Variants in ZIC5 observed in about 807,000 individuals in gnomAD.
ZIC5 encodes Zic family zinc finger 5.
ZIC5 carries 20 observed loss-of-function variants against 28.5 expected under a neutral mutation model. The ratio of observed to expected loss-of-function variants is 0.70; its 90% confidence interval spans 0.49 to 1.02. The LOEUF is 1.02. ZIC5 is among the 50% of genes least tolerant of loss of function. The pLI, the probability that ZIC5 is intolerant of heterozygous loss-of-function variation, is 0.00. For missense variants in ZIC5, 951 were observed against 899.7 expected (o/e 1.06, Z -0.73); for synonymous variants, 488 against 410.4 (o/e 1.19, Z -2.29).
At chr13:99,971,899 G>T, upstream of ZIC5, 1 of 590,010 alleles carries the variant, frequency 1.7e-6, no homozygotes, top group Non-Finnish European at 2.9e-6. Context: ...GACCCAGCGG[G>T]GATTCGCCCC....
intron 1 of ZIC5, among the ~76,000 whole-genome samples, chr13:99,969,601 C>T (rs986517424): frequency 4.6e-5 from 7 of 152,256 alleles, no homozygotes; most frequent in Admixed American, 4.6e-4. Context: ...GAAGGCCTGC[C>T]TCGGGCGGCC....
rs772092300 is a variant in ZIC5 at position 99,971,446 on chromosome 13, A to G, written c.158T>C (p.Leu53Pro). Residue 53 changes from leucine to proline, a missense_variant, in exon 1 of 2, where the codon CTG (leucine) becomes CCG (proline). By Grantham distance (98) the Leu-to-Pro change is moderately conservative (BLOSUM62 -3). This residue lies in a region of ZIC5 where 784 missense variants were observed against 660.1 expected (regional missense o/e 1.19). Coordinates refer to ENST00000267294, the MANE Select transcript of ZIC5 (RefSeq NM_033132.5). ...QLRAAVAHLR[L>P]RDLGADPGVA... is the part of the protein sequence containing the mutation. ...GCCGGGGTCAGCGCCCAGGTCCCGC[A>G]GGCGGAGGTGCGCGACGGCGGCCCG... 37 of 1,531,878 alleles carry G rather than the reference A, an allele frequency of 2.4e-5. 1 individual carries two copies. The highest frequency in any genetic ancestry group is 1.1e-4 in the South Asian group (9 of 83,546). 94.9% of individuals were successfully genotyped at this position (1,531,878 alleles called of 1,614,324 possible).
At chr13:99,971,794 G>A (rs1401136721), upstream of ZIC5, 2 of 1,349,758 alleles carry the variant, frequency 1.5e-6, no homozygotes, top group Non-Finnish European at 2.0e-6. Flanking sequence ...CTGCACAGTG[G>A]GACCGAGATT....
chr13:99,969,047 T>C (rs1240827746), intron 1 of ZIC5, among the ~76,000 whole-genome samples: 1 of 152,224 alleles, frequency 6.6e-6, no homozygotes, highest in Non-Finnish European at 1.5e-5. Context: ...GGGGTAATCG[T>C]ATCTGTCCCT....
At position 99,971,423 on chromosome 13, in the gene ZIC5, C is replaced by A. The variant is rs944206004; in HGVS notation, c.181G>T (p.Gly61Cys). 1 of 1,504,184 alleles carries A rather than the reference C, an allele frequency of 6.6e-7. No individual in the cohort carries two copies. Among genetic ancestry groups the A allele is most frequent in the East Asian group, 2.6e-5 (1 of 38,406 alleles). The allele number at this position is 1,504,184 out of a possible 1,614,324, so 93.2% of individuals were successfully genotyped here. A position where few individuals can be genotyped will look rare whatever the true frequency, so the allele number is the denominator to read the frequency against. The change falls in exon 1 of 2, where the codon GGC becomes TGC. Residue 61 changes from glycine (G) to cysteine (C), a missense_variant. Physicochemically the swap from Gly to Cys is radical, Grantham distance 159. Coordinates refer to ENST00000267294, the MANE Select transcript of ZIC5 (RefSeq NM_033132.5). ...GGTCCGAGCGGAGTGGTGGCCACGC[C>A]GGGGTCAGCGCCCAGGTCCCGCAGG... The part of the protein sequence containing the change: ...LRLRDLGADP[G>C]VATTPLGPEH...
rs2053078835 is a variant in ZIC5 at position 99,964,167 on chromosome 13, T to C, written c.*1210A>G. On this transcript the variant is annotated 3_prime_UTR_variant, in exon 2 of 2. Transcript: ENST00000267294. ...ACTCCCTCCCCTCTTTTAATGTAAA[T>C]CATACACTTCACACACTGTCATTTT... The C allele has an allele frequency of 6.6e-6, 1 of 152,268 alleles. No individual in the cohort carries two copies. The highest frequency in any genetic ancestry group is 2.4e-5 in the African/African-American group (1 of 41,462). The allele number at this position is 152,268 out of a possible 1,614,324, so 9.4% of individuals were successfully genotyped here.
chr13:99,967,996 G>A (rs1445701842), intron 1 of ZIC5, among the ~76,000 whole-genome samples: 1 of 152,204 alleles, frequency 6.6e-6, no homozygotes, highest in African/African-American at 2.4e-5. Context: ...TGCGGACCCC[G>A]CCAGCTCCTA....
At position 99,971,420 on chromosome 13, in the gene ZIC5, C is replaced by T; in HGVS notation, c.184G>A (p.Val62Met). The change falls in exon 1 of 2, where the codon GTG becomes ATG. Residue 62 changes from valine to methionine, a missense_variant. Physicochemically the swap from Val to Met is conservative, Grantham distance 21 (BLOSUM62 1). Coordinates refer to ENST00000267294, the MANE Select transcript of ZIC5 (RefSeq NM_033132.5). ...RLRDLGADPG[V>M]ATTPLGPEHM... ...TCGGGTCCGAGCGGAGTGGTGGCCA[C>T]GCCGGGGTCAGCGCCCAGGTCCCGC... 1 of 1,532,488 alleles carries T rather than the reference C, an allele frequency of 6.5e-7. No individual in the cohort carries two copies. Among genetic ancestry groups the T allele is most frequent in the Non-Finnish European group, 8.8e-7 (1 of 1,142,398 alleles). The allele number at this position is 1,532,488 out of a possible 1,614,324, so 94.9% of individuals were successfully genotyped here.
Position 99,970,272 on chromosome 13 carries a change from C to A in ZIC5, c.1332G>T (p.Glu444Asp). 2 of 1,613,896 alleles carry A rather than the reference C, an allele frequency of 1.2e-6. No individual in the cohort carries two copies. The highest frequency in any genetic ancestry group is 1.7e-6 in the Non-Finnish European group (2 of 1,179,878). ...HVCFWEDCPR[E>D]GKPFKAKYKL... ...TGTATTTGGCCTTGAAGGGCTTGCC[C>A]TCGCGCGGACAGTCCTCCCAGAAGC... Residue 444 changes from glutamate to aspartate, a missense_variant, in exon 1 of 2, where the codon GAG becomes GAT. Transcript: ENST00000267294.
At chr13:99,971,900 G>T (rs1025785762), upstream of ZIC5, 738 of 588,450 alleles carry the variant, frequency 1.3e-3, 2 homozygotes, top group Non-Finnish European at 1.7e-3. Flanking sequence ...ACCCAGCGGG[G>T]ATTCGCCCCC....
chr13:99,964,893 G>A lies in ZIC5; in HGVS notation c.*484C>T, dbSNP rs2053085012. On this transcript the variant is annotated 3_prime_UTR_variant, in exon 2 of 2. Coordinates refer to ENST00000267294, the MANE Select transcript of ZIC5 (RefSeq NM_033132.5). ...GGTCCAACAAGGAGGCTCAAAAGCA[G>A]CCCATGGTATGGTGTCAAAGGCATT... The A allele has an allele frequency of 6.6e-6, 1 of 152,092 alleles. No homozygotes were observed. Among genetic ancestry groups the A allele is most frequent in the Non-Finnish European group, 1.5e-5 (1 of 67,972 alleles). The allele number at this position is 152,092 out of a possible 1,614,324, so 9.4% of individuals were successfully genotyped here.
chr13:99,971,132 T>C lies in ZIC5; in HGVS notation c.472A>G (p.Asn158Asp). 8.0e-7 allele frequency: 1 copy of C among 1,252,174 alleles called. No individual in the cohort carries two copies. The highest frequency in any genetic ancestry group is 1.0e-6 in the Non-Finnish European group (1 of 989,904). 77.6% of individuals were successfully genotyped at this position (1,252,174 alleles called of 1,614,324 possible). A position where few individuals can be genotyped will look rare whatever the true frequency, so the allele number is the denominator to read the frequency against. Residue 158 changes from asparagine (N) to aspartate (D), a missense_variant, in exon 1 of 2, where the codon AAC becomes GAC. By Grantham distance (23) the Asn-to-Asp change is conservative. Transcript: ENST00000267294. ...CCGCTGCTGCCGCCGCCGCCACTGT[T>C]GGTGGTGGTGTAGCCCGAGAGGGCA... The part of the protein sequence containing the change: ...PPALSGYTTT[N>D]SGGGGSSGKG...
Position 99,971,583 on chromosome 13 carries a change from C to G in ZIC5, c.21G>C (p.Lys7Asn). 6.4e-7 allele frequency: 1 copy of G among 1,554,314 alleles called. No homozygotes were observed. Among genetic ancestry groups the G allele is most frequent in the East Asian group, 2.4e-5 (1 of 41,288 alleles). MEPPLS[K>N]RNPPALRLAD... ...CTAATCTCAGCGCTGGCGGGTTCCT[C>G]TTGCTCAAAGGGGGCTCCATCAGAA... The change falls in exon 1 of 2, where the codon AAG becomes AAC. Residue 7 changes from lysine (K) to asparagine (N), a missense_variant. Lys to Asn is a moderately conservative substitution (Grantham distance 94). Transcript: ENST00000267294.
chr13:99,970,670 G>A lies in ZIC5; in HGVS notation c.934C>T (p.Leu312=), dbSNP rs937510913. ...GYGAVNLNLN[L]AAAAAAAAAG... The stretch of plus-strand genomic sequence containing the variant: ...GCTGCTGCGGCCGCCGCAGCCGCCA[G>A]GTTCAGGTTTAAGTTCACGGCTCCG... Residue 312 remains leucine, a synonymous_variant, in exon 1 of 2, where the codon CTG becomes TTG. Coordinates refer to ENST00000267294, the MANE Select transcript of ZIC5 (RefSeq NM_033132.5). 6.1e-5 allele frequency: 72 copies of A among 1,179,178 alleles called. No homozygotes were observed. Among genetic ancestry groups the A allele is most frequent in the Non-Finnish European group, 7.3e-5 (69 of 945,184 alleles). The allele number at this position is 1,179,178 out of a possible 1,614,324, so 73.0% of individuals were successfully genotyped here.
In ZIC5 at chr13:99,971,608, A is replaced by G. The variant is rs1414934590; in HGVS notation, c.-5T>C. 9 of 1,558,200 alleles carry G rather than the reference A, an allele frequency of 5.8e-6. No individual in the cohort carries two copies. The highest frequency in any genetic ancestry group is 7.0e-6 in the Non-Finnish European group (8 of 1,150,024). On this transcript the variant is annotated 5_prime_UTR_variant, in exon 1 of 2. Coordinates refer to ENST00000267294, the MANE Select transcript of ZIC5 (RefSeq NM_033132.5). ...CTTGCTCAAAGGGGGCTCCATCAGA[A>G]CTACACAATCAGGCCCATAGACCCT...
Position 99,971,427 on chromosome 13 carries a change from G to A in ZIC5, c.177C>T (p.Asp59=), listed in dbSNP as rs1458461783. Residue 59 remains aspartate (D), a synonymous_variant, in exon 1 of 2, where the codon GAC becomes GAT. Transcript: ENST00000267294. ...CGAGCGGAGTGGTGGCCACGCCGGGGTCAGCGCCCAGGTCCCGCAGGCGGA... is the reference window on the plus strand; with the variant it reads ...CGAGCGGAGTGGTGGCCACGCCGGGATCAGCGCCCAGGTCCCGCAGGCGGA... ...AHLRLRDLGA[D]PGVATTPLGP... 3 of 1,539,130 alleles carry A rather than the reference G, an allele frequency of 1.9e-6. No individual in the cohort carries two copies. The highest frequency in any genetic ancestry group is 2.6e-6 in the Non-Finnish European group (3 of 1,144,308).
intron 1 of ZIC5, among the ~76,000 whole-genome samples, chr13:99,969,205 G>C (rs921006376): frequency 6.6e-6 from 1 of 152,202 alleles, no homozygotes; most frequent in African/African-American, 2.4e-5. Flanking sequence ...GGCAGGGCTT[G>C]AGGTGGGGTG....
intron 1 of ZIC5, among the ~76,000 whole-genome samples, chr13:99,968,490 G>A (rs2053118485): frequency 6.6e-6 from 1 of 152,094 alleles, no homozygotes; most frequent in Non-Finnish European, 1.5e-5. Context: ...GGGACAGTGC[G>A]CAGGGCGTGG....
At chr13:99,968,360 A>G (rs2053116808) in intron 1 of ZIC5, among the ~76,000 whole-genome samples, 1 of 152,060 alleles carries the variant, frequency 6.6e-6, no homozygotes, top group Non-Finnish European at 1.5e-5. Flanking sequence ...GGGGCAGGAA[A>G]TGCAACCGTC....
Sources: allele counts gnomAD v4.1 joint callset (sites outside exome capture counted in the v4.1 genomes callset), GRCh38; gene constraint gnomAD v4.1.1; regional missense constraint gnomAD v4.1.1; transcripts MANE v1.5; gene names NCBI Gene and HGNC (gene_info 2026-07-23, HGNC 2026-07-21).